Variants in DYRK1A observed in about 807,000 individuals in gnomAD.
DYRK1A encodes dual specificity tyrosine phosphorylation regulated kinase 1A, also known as dual specificity tyrosine-phosphorylation-regulated kinase 1A.
In DYRK1A, 9 loss-of-function variants were observed where a neutral mutation model predicts 79.7. The ratio of observed to expected loss-of-function variants is 0.11; its 90% CI spans 0.07 to 0.20. The LOEUF (loss-of-function observed/expected upper bound fraction) is 0.20, where lower values mean the gene tolerates loss of function less well. DYRK1A is among the 10% of genes least tolerant of loss of function. The pLI, the probability that DYRK1A is intolerant of heterozygous loss-of-function variation, is 1.00. For missense variants in DYRK1A, 622 were observed against 956.0 expected (o/e 0.65, Z 4.61); for synonymous variants, 349 against 329.7 (o/e 1.06, Z -0.63).
At chr21:37,488,450 C>T (rs1254218079) in intron 6 of DYRK1A, 3 of 719,060 alleles carry the variant, frequency 4.2e-6, no homozygotes, top group Admixed American at 1.3e-4. Flanking sequence ...TGTCTTTGAA[C>T]TTTAAAAAAC....
intron 1 of DYRK1A, among the ~76,000 whole-genome samples, chr21:37,375,825 T>C (rs574551596): frequency 7.9e-5 from 12 of 152,226 alleles, no homozygotes; most frequent in African/African-American, 2.4e-4. Flanking sequence ...GAATATTCTT[T>C]ACCTGTTATG....
intron 2 of DYRK1A, among the ~76,000 whole-genome samples, chr21:37,465,828 CTCTG>C (rs765701886): frequency 2.0e-5 from 3 of 151,848 alleles, no homozygotes; most frequent in Non-Finnish European, 4.4e-5. Flanking sequence ...CAGCGCAAGA[CTCTG>C]TCTCAGAAAA....
chr21:37,505,445 A>T lies in DYRK1A; in HGVS notation c.1375A>T (p.Ile459Phe), dbSNP rs1263156590. 39 of 1,614,114 alleles carry T rather than the reference A, an allele frequency of 2.4e-5. No homozygotes were observed. Among genetic ancestry groups the T allele is most frequent in the Non-Finnish European group, 3.3e-5 (39 of 1,180,058 alleles). The change falls in exon 10 of 12, where the codon ATT becomes TTT. Residue 459 changes from isoleucine to phenylalanine, a missense_variant. Physicochemically the swap from Ile to Phe is conservative, Grantham distance 21 (BLOSUM62 0). This residue lies in a region of DYRK1A where 80 missense variants were observed against 116.5 expected (regional missense o/e 0.69). Coordinates refer to ENST00000647188, the MANE Select transcript of DYRK1A (RefSeq NM_001347721.2). ...RMLDYDPKTR[I>F]QPYYALQHSF... Reference sequence around the variant, plus strand: ...GCTTGATTATGACCCCAAAACTCGAATTCAACCTTATTATGCTCTGCAGCA... The same window carrying T: ...GCTTGATTATGACCCCAAAACTCGATTTCAACCTTATTATGCTCTGCAGCA...
chr21:37,399,079 TG>T (rs1912809693), intron 1 of DYRK1A, among the ~76,000 whole-genome samples: 1 of 152,048 alleles, frequency 6.6e-6, no homozygotes, highest in Non-Finnish European at 1.5e-5. Flanking sequence ...GAGCTAAGAT[TG>T]GTTATGCAGA....
At chr21:37,499,559 G>T (rs2053377759) in intron 9 of DYRK1A, among the ~76,000 whole-genome samples, 1 of 152,176 alleles carries the variant, frequency 6.6e-6, no homozygotes, top group South Asian at 2.1e-4. Context: ...GTAAAGATGG[G>T]TTATCTCTCC....
In DYRK1A at chr21:37,519,286, C is replaced by G. The variant is rs1011994341; in HGVS notation, c.*6755C>G. On this transcript the variant is annotated 3_prime_UTR_variant, in exon 12 of 12. Coordinates refer to ENST00000647188, the MANE Select transcript of DYRK1A (RefSeq NM_001347721.2). The stretch of plus-strand genomic sequence containing the variant: ...TGTATAGTAGTTACAGTTTCCCTCT[C>G]TAGAATCCCAAAGAGGTTCAGATCC... 6.6e-6 allele frequency: 1 copy of G among 152,216 alleles called. No individual in the cohort carries two copies. Among genetic ancestry groups the G allele is most frequent in the Admixed American group, 6.5e-5 (1 of 15,288 alleles). The allele number at this position is 152,216 out of a possible 1,614,324, so 9.4% of individuals were successfully genotyped here.
intron 2 of DYRK1A, among the ~76,000 whole-genome samples, chr21:37,449,307 T>C (rs549269963): frequency 2.6e-5 from 4 of 152,350 alleles, no homozygotes; most frequent in African/African-American, 9.6e-5. Context: ...ATCAGTAGAA[T>C]TTCTTGCCAT....
chr21:37,391,923 A>G (rs1046598518), intron 1 of DYRK1A, among the ~76,000 whole-genome samples: 1 of 152,254 alleles, frequency 6.6e-6, no homozygotes, highest in African/African-American at 2.4e-5. Flanking sequence ...TTAAACAAAC[A>G]TACAGATCCT....
intron 2 of DYRK1A, among the ~76,000 whole-genome samples, chr21:37,462,219 G>C (rs192655058): frequency 6.6e-6 from 1 of 152,106 alleles, no homozygotes; most frequent in East Asian, 1.9e-4. Flanking sequence ...GCTGTGCCTA[G>C]TGAATTGGGC....
intron 2 of DYRK1A, among the ~76,000 whole-genome samples, chr21:37,439,565 C>T (rs568953060): frequency 6.6e-5 from 10 of 152,306 alleles, no homozygotes; most frequent in Non-Finnish European, 1.2e-4. Context: ...TCACCTGAAG[C>T]ATTAGACTCG....
intron 1 of DYRK1A, among the ~76,000 whole-genome samples, chr21:37,368,358 C>T (rs570354354): frequency 2.4e-4 from 37 of 152,356 alleles, no homozygotes; most frequent in Non-Finnish European, 3.4e-4. Flanking sequence ...CAAACCCACT[C>T]TCGCTTCGGA....
chr21:37,370,884 A>C (rs754039139), intron 1 of DYRK1A, among the ~76,000 whole-genome samples: 1 of 152,208 alleles, frequency 6.6e-6, no homozygotes, highest in Non-Finnish European at 1.5e-5. Context: ...TTGCTCTGTG[A>C]AAGTGAATTG....
At position 37,481,922 on chromosome 21, in the gene DYRK1A, A is replaced by G. The variant is rs139446358; in HGVS notation, c.489+1096A>G. On this transcript the variant is annotated intron_variant, in intron 5 of 11. Coordinates refer to ENST00000647188, the MANE Select transcript of DYRK1A (RefSeq NM_001347721.2). ...TCCCAGTTGTAAGTCCTTCTATCAC[A>G]TTGAGTCACAGAGCTGTGTTTTGTT... is the stretch of plus-strand genomic sequence containing the variant. Among the ~76,000 whole-genome samples the G allele has an allele frequency of 9.5e-3, 1,448 of 151,944 alleles. 10 individuals carry two copies. Among genetic ancestry groups the G allele is most frequent in the Middle Eastern group, 0.02 (6 of 294 alleles).
chr21:37,425,040 A>G (rs1424732801), intron 2 of DYRK1A, among the ~76,000 whole-genome samples: 1 of 152,226 alleles, frequency 6.6e-6, no homozygotes, highest in Non-Finnish European at 1.5e-5. Flanking sequence ...GCATAAAGTA[A>G]AAAGAGACAG....
At chr21:37,428,561 A>C (rs966795887) in intron 2 of DYRK1A, among the ~76,000 whole-genome samples, 1 of 152,234 alleles carries the variant, frequency 6.6e-6, no homozygotes, top group African/African-American at 2.4e-5. Context: ...TAAACAAGCA[A>C]ATAGGAGTTG....
At chr21:37,452,700 C>T (rs1245268842) in intron 2 of DYRK1A, among the ~76,000 whole-genome samples, 1 of 150,946 alleles carries the variant, frequency 6.6e-6, no homozygotes, top group Non-Finnish European at 1.5e-5. Context: ...CACACTAGTC[C>T]CTCTTTTCCC....
intron 5 of DYRK1A, among the ~76,000 whole-genome samples, chr21:37,483,781 CT>C (rs1426663208): frequency 6.6e-6 from 1 of 152,048 alleles, no homozygotes; most frequent in Non-Finnish European, 1.5e-5. Flanking sequence ...TGAGGTCTTA[CT>C]GTGTTGCCCA....
intron 1 of DYRK1A, among the ~76,000 whole-genome samples, chr21:37,385,026 A>G (rs2049732360): frequency 6.6e-6 from 1 of 151,972 alleles, no homozygotes; most frequent in African/African-American, 2.4e-5. Flanking sequence ...GTTAATGTTG[A>G]CATCTTGGAC....
intron 1 of DYRK1A, among the ~76,000 whole-genome samples, chr21:37,402,263 G>A (rs17814651): frequency 0.093 from 14,210 of 151,986 alleles, 781 homozygotes; most frequent in Non-Finnish European, 0.11. Context: ...AACACTCTTC[G>A]GCATTTCTTG....
Sources: gnomAD v4.1 joint callset for allele counts (sites outside exome capture counted in the v4.1 genomes callset) on GRCh38, gnomAD v4.1.1 for gene constraint, gnomAD v4.1.1 regional missense constraint, MANE v1.5 for transcripts, NCBI Gene and HGNC (gene_info 2026-07-23, HGNC 2026-07-21) for gene names.